FBLN1: variants seen among roughly 807,000 people sequenced by gnomAD.
FBLN1 encodes fibulin-1.
In FBLN1, 34 loss-of-function variants were observed where a neutral mutation model predicts 89.7. The observed-to-expected ratio is 0.38, with a 90% CI of 0.29 to 0.50. The LOEUF (loss-of-function observed/expected upper bound fraction) is 0.50. Ranked by LOEUF, FBLN1 falls within the 20% of genes least tolerant of loss-of-function variation. FBLN1 has a pLI of 0.92. For missense variants in FBLN1, 777 were observed against 988.1 expected (o/e 0.79, Z 2.86); for synonymous variants, 393 against 391.3 (o/e 1.00, Z -0.05).
In FBLN1 at chr22:45,557,113, G is replaced by A. The variant is rs538706648; in HGVS notation, c.1697+6498G>A. 4.6e-5 allele frequency among the ~76,000 whole-genome samples: 7 copies of A among 152,268 alleles called. No homozygotes were observed. The South Asian group carries it at 6.2e-4, about 14-fold the overall frequency. On this transcript the variant is annotated intron_variant, in intron 14 of 16. Transcript: ENST00000327858. The surrounding 1 kb of genome is among the most constrained non-coding windows in gnomAD (Gnocchi z 4.9). Reference sequence around the variant, plus strand: ...CCTATCAATCTACCTGCTTCACGACGATGGGGAACATGGTAAAACCAGTGA... The same window carrying A: ...CCTATCAATCTACCTGCTTCACGACAATGGGGAACATGGTAAAACCAGTGA...
At chr22:45,503,325 C>T in intron 1 of FBLN1, 1 of 254,736 alleles carries the variant, frequency 3.9e-6, no homozygotes, top group East Asian at 6.8e-5. Context: ...CCAGTCCTAG[C>T]AAATCCAGCC....
intron 16 of FBLN1, among the ~76,000 whole-genome samples, chr22:45,585,502 G>A (rs1040057725): frequency 5.9e-5 from 9 of 152,344 alleles, no homozygotes; most frequent in Admixed American, 4.6e-4. Context: ...ACAACAGCGC[G>A]GCCGTCCCTG....
At position 45,577,221 on chromosome 22, in the gene FBLN1, C is replaced by G. The variant is rs1334504781; in HGVS notation, c.1972+113C>G. 1 of 1,287,430 alleles carries G rather than the reference C, an allele frequency of 7.8e-7. No individual in the cohort carries two copies. The highest frequency in any genetic ancestry group is 1.1e-6 in the Non-Finnish European group (1 of 909,666). 79.8% of individuals were successfully genotyped at this position (1,287,430 alleles called of 1,614,324 possible). A position where few individuals can be genotyped will look rare whatever the true frequency, so the allele number is the denominator to read the frequency against. The stretch of plus-strand genomic sequence containing the variant: ...GTCCCCTCCCCAAATTCAAGCCCAC[C>G]CAACCTTCAGGGCCCAGCGCCGAGG... On this transcript the variant is annotated intron_variant, in intron 16 of 16. Coordinates refer to ENST00000327858, the MANE Select transcript of FBLN1 (RefSeq NM_006486.3). The surrounding 1 kb of genome is among the most constrained non-coding windows in gnomAD (Gnocchi z 6.6).
intron 16 of FBLN1, among the ~76,000 whole-genome samples, chr22:45,586,085 G>A (rs73444987): frequency 1.1e-3 from 160 of 152,304 alleles, no homozygotes; most frequent in African/African-American, 3.3e-3. Context: ...CACACAGGGG[G>A]CCCCAGGGAC....
At chr22:45,518,171 C>T (rs11702909) in intron 1 of FBLN1, among the ~76,000 whole-genome samples, 5,890 of 149,876 alleles carry the variant, frequency 0.039, 140 homozygotes, top group Admixed American at 0.071. Context: ...TTTTTTCCTT[C>T]TTACTTGACT....
At chr22:45,516,370 C>G (rs377630591) in intron 1 of FBLN1, among the ~76,000 whole-genome samples, 2 of 152,206 alleles carry the variant, frequency 1.3e-5, no homozygotes, top group East Asian at 1.9e-4. Context: ...ATGGCTGGAT[C>G]ACATCCTGTT....
chr22:45,545,361 T>A lies in FBLN1; in HGVS notation c.1322-1724T>A, dbSNP rs2088612950. The stretch of plus-strand genomic sequence containing the variant: ...GGGGGTTGTGAGGATGAAACGAGAT[T>A]AAGCATGTGAAGAGCTTATCACAGG... On this transcript the variant is annotated intron_variant, in intron 11 of 16. Transcript: ENST00000327858. This position sits in a 1 kb window ranked among gnomAD's most constrained non-coding sequence, Gnocchi z 5.9. 6.6e-6 allele frequency among the ~76,000 whole-genome samples: 1 copy of A among 152,154 alleles called. No individual in the cohort carries two copies. Among genetic ancestry groups the A allele is most frequent in the South Asian group, 2.1e-4 (1 of 4,826 alleles).
chr22:45,584,299 G>A (rs1288493441), intron 16 of FBLN1, among the ~76,000 whole-genome samples: 4 of 152,120 alleles, frequency 2.6e-5, no homozygotes, highest in Non-Finnish European at 5.9e-5. Flanking sequence ...GTGTGTCAAC[G>A]CGCTCCTGCA....
intron 16 of FBLN1, among the ~76,000 whole-genome samples, chr22:45,594,716 GGATGGATGGATGGATA>G (rs1249691457): frequency 2.0e-5 from 3 of 150,188 alleles, no homozygotes; most frequent in Admixed American, 6.7e-5. Context: ...ATGGATGGAT[GGATGGATGGATGGATA>G]GATGGATGGG....
chr22:45,504,160 G>A (rs2087986476), intron 1 of FBLN1, among the ~76,000 whole-genome samples: 1 of 151,838 alleles, frequency 6.6e-6, no homozygotes, highest in African/African-American at 2.4e-5. Context: ...TTAGTCAAAA[G>A]GTCGCTTGTC....
intron 1 of FBLN1, among the ~76,000 whole-genome samples, chr22:45,506,138 C>A (rs755327546): frequency 5.3e-5 from 8 of 152,220 alleles, no homozygotes; most frequent in Admixed American, 3.9e-4. Context: ...GCACCAGGAG[C>A]CTTCGCAGCC....
intron 16 of FBLN1, among the ~76,000 whole-genome samples, chr22:45,596,126 C>A (rs1436235129): frequency 1.3e-5 from 2 of 152,242 alleles, no homozygotes; most frequent in Non-Finnish European, 2.9e-5. Flanking sequence ...GCCTCGGCCT[C>A]CCAAAGTGCC....
rs546166176 is a variant in FBLN1 at position 45,532,867 on chromosome 22, G to A, written c.545-196G>A. The A allele has an allele frequency of 2.0e-5, 12 of 614,686 alleles. No homozygotes were observed. The highest frequency in any genetic ancestry group is 4.4e-4 in the Middle Eastern group (1 of 2,276). The allele number at this position is 614,686 out of a possible 1,614,324, so 38.1% of individuals were successfully genotyped here. On this transcript the variant is annotated intron_variant, in intron 5 of 16. Transcript: ENST00000327858. The surrounding 1 kb of genome is among the most constrained non-coding windows in gnomAD (Gnocchi z 4.2). ...GACGGGGAGGTTGGGACCTGAAGCA[G>A]CAGCCCCTGGGGGGTGTCCAGAGCC...
At chr22:45,503,340 C>G in intron 1 of FBLN1, 1 of 230,972 alleles carries the variant, frequency 4.3e-6, no homozygotes, top group Non-Finnish European at 8.4e-6. Context: ...CCAGCCGGCT[C>G]CGGGGGCCGC....
Position 45,572,071 on chromosome 22 carries a change from G to A in FBLN1, c.1698-2440G>A, listed in dbSNP as rs188261205. ...TTGAACCCGGGAGGTGGAGGTTGCA[G>A]TGAGCCGATATCGCACCACAGCACT... On this transcript the variant is annotated intron_variant, in intron 14 of 16. Transcript: ENST00000327858. The surrounding 1 kb of genome is among the most constrained non-coding windows in gnomAD (Gnocchi z 5.8). Among the ~76,000 whole-genome samples, 1 of 152,136 alleles carries A rather than the reference G, an allele frequency of 6.6e-6. No homozygotes were observed. Among genetic ancestry groups the A allele is most frequent in the Admixed American group, 6.5e-5 (1 of 15,268 alleles).
chr22:45,506,843 G>A (rs141111905), intron 1 of FBLN1, among the ~76,000 whole-genome samples: 822 of 152,366 alleles, frequency 5.4e-3, no homozygotes, highest in Non-Finnish European at 8.0e-3. Context: ...CACCTGGTCA[G>A]GGCCGCCTTC....
chr22:45,532,936 C>T lies in FBLN1; in HGVS notation c.545-127C>T, dbSNP rs2146968603. The T allele has an allele frequency of 4.9e-6, 4 of 815,554 alleles. No homozygotes were observed. In the South Asian group the frequency reaches 6.0e-5, roughly 12 times the overall value. The allele number at this position is 815,554 out of a possible 1,614,324, so 50.5% of individuals were successfully genotyped here. A position where few individuals can be genotyped will look rare whatever the true frequency, so the allele number is the denominator to read the frequency against. On this transcript the variant is annotated intron_variant, in intron 5 of 16. Coordinates refer to ENST00000327858, the MANE Select transcript of FBLN1 (RefSeq NM_006486.3). This position sits in a 1 kb window ranked among gnomAD's most constrained non-coding sequence, Gnocchi z 4.2. Reference sequence around the variant, plus strand: ...AGTAGGGCAGCAGGTGGGCTCCAGCCAGGTCAGCCTGCCTTCCTGGGTTCG... The same window carrying T: ...AGTAGGGCAGCAGGTGGGCTCCAGCTAGGTCAGCCTGCCTTCCTGGGTTCG...
intron 16 of FBLN1, among the ~76,000 whole-genome samples, chr22:45,585,331 C>T (rs891120183): frequency 6.6e-6 from 1 of 152,226 alleles, no homozygotes; most frequent in Non-Finnish European, 1.5e-5. Context: ...AGGCTTGAGA[C>T]CGTCCATTGT....
At position 45,536,345 on chromosome 22, in the gene FBLN1, T is replaced by G. The variant is rs1282324885; in HGVS notation, c.922+1008T>G. ...AAGATGAAAAAGTTCTGGAGATGGA[T>G]GGGGGTGATGGTGGCACGACAGTGT... On this transcript the variant is annotated intron_variant, in intron 8 of 16. Coordinates refer to ENST00000327858, the MANE Select transcript of FBLN1 (RefSeq NM_006486.3). The surrounding 1 kb of genome is among the most constrained non-coding windows in gnomAD (Gnocchi z 5.1). Among the ~76,000 whole-genome samples the G allele has an allele frequency of 1.3e-5, 2 of 151,916 alleles. No individual in the cohort carries two copies.
Sources: allele counts gnomAD v4.1 joint callset (sites outside exome capture counted in the v4.1 genomes callset), GRCh38; gene constraint gnomAD v4.1.1; non-coding constraint Gnocchi (gnomAD v3.1); transcripts MANE v1.5; gene names NCBI Gene and HGNC (gene_info 2026-07-23, HGNC 2026-07-21).